Variants in SIRPA observed in about 807,000 individuals in gnomAD.
SIRPA encodes the protein signal regulatory protein alpha, also known as tyrosine-protein phosphatase non-receptor type substrate 1.
SIRPA carries 9 observed loss-of-function variants against 50.3 expected under a neutral mutation model. The ratio of observed to expected loss-of-function variants is 0.18; its 90% CI spans 0.11 to 0.31. The LOEUF is 0.31. Among genes scored for constraint, SIRPA ranks in the 10% least tolerant of loss-of-function variants. The pLI is 1.00. For missense variants in SIRPA, 474 were observed against 661.6 expected (o/e 0.72, Z 3.11); for synonymous variants, 265 against 284.1 (o/e 0.93, Z 0.68).
intron 1 of SIRPA, among the ~76,000 whole-genome samples, chr20:1,910,879 A>G (rs1013850751): frequency 1.3e-5 from 2 of 152,268 alleles, no homozygotes; most frequent in African/African-American, 4.8e-5. Flanking sequence ...TTTATTTTAC[A>G]AAGTCATGAT....
At chr20:1,915,647 G>A (rs970586216) in intron 2 of SIRPA, among the ~76,000 whole-genome samples, 192 bp downstream of exon 2, 8 of 152,234 alleles carry the variant, frequency 5.3e-5, no homozygotes, top group African/African-American at 1.9e-4. Context: ...TCCACAGCTG[G>A]TAAAGGGTGG....
chr20:1,912,687 A>G (rs1268165748), intron 1 of SIRPA, among the ~76,000 whole-genome samples: 4 of 152,326 alleles, frequency 2.6e-5, no homozygotes, highest in East Asian at 1.9e-4. Flanking sequence ...CAGGGTCCTC[A>G]TGACTGTGCT....
chr20:1,930,267 C>T (rs1021623285), intron 6 of SIRPA, among the ~76,000 whole-genome samples: 1 of 152,204 alleles, frequency 6.6e-6, no homozygotes, highest in African/African-American at 2.4e-5. Context: ...GGTGCCGCAG[C>T]GTGGACACCC....
At chr20:1,897,179 C>T (rs1396119198) in intron 1 of SIRPA, among the ~76,000 whole-genome samples, 1 of 152,176 alleles carries the variant, frequency 6.6e-6, no homozygotes, top group Non-Finnish European at 1.5e-5. Context: ...CTTGTGAGCA[C>T]ATCTCCCCCT....
chr20:1,930,496 C>T (rs1316942636), intron 6 of SIRPA, among the ~76,000 whole-genome samples: 1 of 152,278 alleles, frequency 6.6e-6, no homozygotes. Flanking sequence ...GCACGTCCCA[C>T]TCTGCCTTCT....
At chr20:1,918,964 T>C (rs1199811339) in intron 2 of SIRPA, among the ~76,000 whole-genome samples, 1 of 152,228 alleles carries the variant, frequency 6.6e-6, no homozygotes, top group Non-Finnish European at 1.5e-5. Flanking sequence ...GGCCTCAGTG[T>C]CCTCACTTGT....
At chr20:1,910,885 A>G (rs149689779) in intron 1 of SIRPA, among the ~76,000 whole-genome samples, 54 of 152,364 alleles carry the variant, frequency 3.5e-4, no homozygotes, top group African/African-American at 1.2e-3. Flanking sequence ...TTACAAAGTC[A>G]TGATCATACA....
rs1018500688 is a variant in SIRPA at position 1,924,545 on chromosome 20, C to G, written c.1088-219C>G. 1.3e-5 allele frequency among the ~76,000 whole-genome samples: 2 copies of G among 152,194 alleles called. No individual in the cohort carries two copies. The highest frequency in any genetic ancestry group is 1.5e-5 in the Non-Finnish European group (1 of 68,038). ...AGCTGTCAGCTACAAATATATTCCC[C>G]CCTGGCACCTCAGCATGGTTTTTGT... is the stretch of plus-strand genomic sequence containing the variant. On this transcript the variant is annotated intron_variant, in intron 4 of 7. Transcript: ENST00000358771. This position sits in a 1 kb window ranked among gnomAD's most constrained non-coding sequence, Gnocchi z 4.5.
chr20:1,938,492 A>G lies in SIRPA; in HGVS notation c.*924A>G, dbSNP rs1306647738. On this transcript the variant is annotated 3_prime_UTR_variant, in exon 8 of 8. Transcript: ENST00000358771. ...GGCTGTCTGTCATGTGTTGAAGTCC[A>G]TGGTTGGGTCTTGTGAAGTCTGAGG... 2.0e-5 allele frequency: 3 copies of G among 152,670 alleles called. No homozygotes were observed. The highest frequency in any genetic ancestry group is 4.4e-5 in the Non-Finnish European group (3 of 68,042). 9.5% of individuals were successfully genotyped at this position (152,670 alleles called of 1,614,324 possible).
At chr20:1,900,258 G>C (rs2122972894) in intron 1 of SIRPA, among the ~76,000 whole-genome samples, 1 of 152,054 alleles carries the variant, frequency 6.6e-6, no homozygotes, top group South Asian at 2.1e-4. Flanking sequence ...GCGCCACCAT[G>C]CCTGGCTGAT....
At chr20:1,922,757 A>G in intron 4 of SIRPA, 112 bp downstream of exon 4, 1 of 1,269,604 alleles carries the variant, frequency 7.9e-7, no homozygotes. Flanking sequence ...AGAAGTCTAT[A>G]AATATAAAGT....
intron 1 of SIRPA, among the ~76,000 whole-genome samples, chr20:1,902,238 C>T (rs372697625): frequency 6.6e-6 from 1 of 152,056 alleles, no homozygotes; most frequent in East Asian, 1.9e-4. Context: ...TTTCACCCAC[C>T]GATACTCTCT....
At chr20:1,909,575 A>G (rs2123049846) in intron 1 of SIRPA, among the ~76,000 whole-genome samples, 1 of 152,318 alleles carries the variant, frequency 6.6e-6, no homozygotes, top group East Asian at 1.9e-4. Flanking sequence ...TGAGGTCAGG[A>G]GTTTGAGACC....
At chr20:1,914,295 G>A (rs759799965) in intron 1 of SIRPA, among the ~76,000 whole-genome samples, 1 of 152,134 alleles carries the variant, frequency 6.6e-6, no homozygotes, top group Non-Finnish European at 1.5e-5. Context: ...CAAGAACAAG[G>A]GGCGAGCCAG....
rs1460645223 is a variant in SIRPA, at chr20:1,927,421, A to C, written c.1202-454A>C. On this transcript the variant is annotated intron_variant, in intron 5 of 7. Coordinates refer to ENST00000358771, the MANE Select transcript of SIRPA (RefSeq NM_001040023.2). This position sits in a 1 kb window ranked among gnomAD's most constrained non-coding sequence, Gnocchi z 6.5. ...GAAGCTGAGAGAGAGGAAGTGACCC[A>C]CCCGGGGTCACATGGTGAGTGAGTG... 2.6e-5 allele frequency among the ~76,000 whole-genome samples: 4 copies of C among 152,142 alleles called. No homozygotes were observed.
chr20:1,937,845 G>A lies in SIRPA; in HGVS notation c.*277G>A, dbSNP rs1187168139. The stretch of plus-strand genomic sequence containing the variant: ...ACCTGGGAAGTGGCCAGAACTGCCT[G>A]GGGTCCAAGAACTCTTGTGCCTCCG... On this transcript the variant is annotated 3_prime_UTR_variant, in exon 8 of 8. Coordinates refer to ENST00000358771, the MANE Select transcript of SIRPA (RefSeq NM_001040023.2). This position sits in a 1 kb window ranked among gnomAD's most constrained non-coding sequence, Gnocchi z 8.3. 2.1e-6 allele frequency: 1 copy of A among 486,006 alleles called. No homozygotes were observed. Among genetic ancestry groups the A allele is most frequent in the Non-Finnish European group, 3.7e-6 (1 of 267,116 alleles). The allele number at this position is 486,006 out of a possible 1,614,324, so 30.1% of individuals were successfully genotyped here.
chr20:1,923,138 G>C (rs574559930), intron 4 of SIRPA, among the ~76,000 whole-genome samples: 18 of 152,316 alleles, frequency 1.2e-4, no homozygotes, highest in African/African-American at 3.8e-4. Flanking sequence ...CATCCCACAT[G>C]TGACTATTTC....
intron 1 of SIRPA, among the ~76,000 whole-genome samples, chr20:1,904,780 C>G (rs1003628605): frequency 6.6e-6 from 1 of 152,172 alleles, no homozygotes; most frequent in Non-Finnish European, 1.5e-5. Flanking sequence ...AGGCTTGGCT[C>G]GGCTCCTCTC....
At chr20:1,909,889 A>G (rs1001222406) in intron 1 of SIRPA, among the ~76,000 whole-genome samples, 5 of 152,184 alleles carry the variant, frequency 3.3e-5, no homozygotes, top group Admixed American at 2.6e-4. Context: ...TAAGAAATCA[A>G]ATATATTTTC....
Sources: gnomAD v4.1 joint callset for allele counts (sites outside exome capture counted in the v4.1 genomes callset) on GRCh38, gnomAD v4.1.1 for gene constraint, Gnocchi (gnomAD v3.1) non-coding constraint, MANE v1.5 for transcripts, NCBI Gene and HGNC (gene_info 2026-07-23, HGNC 2026-07-21) for gene names.